LARGE1: variants seen among roughly 807,000 people sequenced by gnomAD.
LARGE1 encodes the protein xylosyl- and glucuronyltransferase LARGE1.
A neutral mutation model predicts 87.6 loss-of-function variants in LARGE1; 43 were observed. The observed-to-expected ratio is 0.49, with a 90% confidence interval of 0.38 to 0.63. The LOEUF is 0.63. Ranked by LOEUF, LARGE1 falls within the 30% of genes least tolerant of loss-of-function variation. The probability of loss-of-function intolerance (pLI) is 0.00; values close to 1 mark genes in which losing one functional copy is unlikely to be tolerated. For synonymous variants in LARGE1, 434 were observed against 394.6 expected (o/e 1.10, Z -1.18); for missense variants, 802 against 1,000.2 (o/e 0.80, Z 2.67).
intron 2 of LARGE1, among the ~76,000 whole-genome samples, chr22:33,684,121 C>T (rs1271396345): frequency 2.6e-5 from 4 of 152,138 alleles, no homozygotes; most frequent in Non-Finnish European, 4.4e-5. Flanking sequence ...TAGTACCGAA[C>T]GTGCTTGCTC....
At chr22:33,798,434 G>A (rs1423015408) in intron 1 of LARGE1, among the ~76,000 whole-genome samples, 1 of 152,162 alleles carries the variant, frequency 6.6e-6, no homozygotes, top group East Asian at 1.9e-4. Flanking sequence ...ATTACATGAT[G>A]AAATGTACAA....
intron 10 of LARGE1, among the ~76,000 whole-genome samples, chr22:33,318,572 G>C (rs1284639128): frequency 1.3e-5 from 2 of 151,848 alleles, no homozygotes; most frequent in African/African-American, 4.8e-5. Flanking sequence ...ACAGGAAGGG[G>C]AACATCACAC....
chr22:33,571,160 G>C (rs1227919722), intron 5 of LARGE1, among the ~76,000 whole-genome samples: 1 of 152,198 alleles, frequency 6.6e-6, no homozygotes, highest in Non-Finnish European at 1.5e-5. Flanking sequence ...CAAAAATGCA[G>C]TCATGCCCAA....
chr22:33,546,290 T>G (rs2077358328), intron 6 of LARGE1, among the ~76,000 whole-genome samples: 1 of 152,222 alleles, frequency 6.6e-6, no homozygotes, highest in South Asian at 2.1e-4. Flanking sequence ...ACACCACGCT[T>G]TATCATGCCT....
the LARGE1 span, among the ~76,000 whole-genome samples, chr22:33,100,041 T>A: frequency 6.6e-6 from 1 of 152,186 alleles, no homozygotes; most frequent in African/African-American, 2.4e-5. Context: ...AGGCTATTTT[T>A]AAATCTGAGT....
chr22:33,333,306 C>T (rs1209920120), intron 10 of LARGE1, among the ~76,000 whole-genome samples: 1 of 151,866 alleles, frequency 6.6e-6, no homozygotes, highest in East Asian at 1.9e-4. Flanking sequence ...GCGTGAGCCA[C>T]TGTGCTGGGC....
At chr22:33,254,973 C>T (rs1265331161) in intron 11 of LARGE1, among the ~76,000 whole-genome samples, 5 of 148,902 alleles carry the variant, frequency 3.4e-5, no homozygotes, top group African/African-American at 5.0e-5. Context: ...AGTCTCACTC[C>T]GTCACCCAGG....
At chr22:33,318,747 TA>T (rs200248869) in intron 10 of LARGE1, among the ~76,000 whole-genome samples, 1,804 of 150,464 alleles carry the variant, frequency 0.012, 11 homozygotes, top group South Asian at 0.027. Flanking sequence ...TAAAGTATAT[TA>T]AAAAAAAATG....
At chr22:33,774,455 G>A (rs976500107) in intron 1 of LARGE1, among the ~76,000 whole-genome samples, 3 of 152,076 alleles carry the variant, frequency 2.0e-5, no homozygotes, top group Non-Finnish European at 4.4e-5. Flanking sequence ...CTCCCGGGTT[G>A]AAGCAATTCT....
chr22:33,562,259 C>CT (rs2077884341), intron 6 of LARGE1, among the ~76,000 whole-genome samples: 1 of 152,150 alleles, frequency 6.6e-6, no homozygotes, highest in South Asian at 2.1e-4. Context: ...TACTTATTTT[C>CT]TTTTCACCTC....
At chr22:33,363,609 C>T (rs913160104) in intron 9 of LARGE1, among the ~76,000 whole-genome samples, 6 of 149,552 alleles carry the variant, frequency 4.0e-5, no homozygotes, top group East Asian at 3.9e-4. Flanking sequence ...AACCGTATCA[C>T]GTACCTAACT....
intron 11 of LARGE1, among the ~76,000 whole-genome samples, chr22:33,255,841 T>G (rs1927233901): frequency 6.6e-6 from 1 of 152,198 alleles, no homozygotes; most frequent in Non-Finnish European, 1.5e-5. Flanking sequence ...ATTTTGAGGG[T>G]CCTGTTATCC....
intron 1 of LARGE1, among the ~76,000 whole-genome samples, chr22:33,864,018 G>T (rs901570687): frequency 5.3e-5 from 8 of 152,168 alleles, no homozygotes; most frequent in Admixed American, 3.3e-4. Context: ...GCTATGACAA[G>T]CATCACAGAA....
At chr22:33,561,186 T>C (rs952339745) in intron 6 of LARGE1, among the ~76,000 whole-genome samples, 6 of 152,194 alleles carry the variant, frequency 3.9e-5, no homozygotes, top group African/African-American at 1.4e-4. Flanking sequence ...TAGTTAGCTT[T>C]CCCTCTGTTT....
chr22:33,199,999 C>G (rs1602082299), intron 11 of LARGE1, among the ~76,000 whole-genome samples: 1 of 152,122 alleles, frequency 6.6e-6, no homozygotes, highest in Non-Finnish European at 1.5e-5. Flanking sequence ...CAGGCACCTG[C>G]CACCACACCT....
chr22:33,534,539 G>T (rs5999000), intron 6 of LARGE1, among the ~76,000 whole-genome samples: 2 of 152,106 alleles, frequency 1.3e-5, no homozygotes, highest in South Asian at 2.1e-4. Context: ...CATGGGAAAT[G>T]TAAGAGCAAA....
At chr22:33,703,372 T>A (rs240084) in intron 2 of LARGE1, among the ~76,000 whole-genome samples, 107 of 146,274 alleles carry the variant, frequency 7.3e-4, no homozygotes, top group East Asian at 8.0e-4. Context: ...AAAAAAAAAA[T>A]AAAATAAAAA....
chr22:33,755,930 C>T (rs1005056956), intron 2 of LARGE1, among the ~76,000 whole-genome samples: 1 of 152,152 alleles, frequency 6.6e-6, no homozygotes, highest in Non-Finnish European at 1.5e-5. Context: ...TAGATGTTTC[C>T]ACATGGGATC....
chr22:33,202,530 A>G (rs1316777727), intron 11 of LARGE1, among the ~76,000 whole-genome samples: 2 of 152,224 alleles, frequency 1.3e-5, no homozygotes, highest in African/African-American at 2.4e-5. Context: ...CCAATAAAGG[A>G]TGACACATAA....
Sources: allele counts gnomAD v4.1 joint callset (sites outside exome capture counted in the v4.1 genomes callset), GRCh38; gene constraint gnomAD v4.1.1; transcripts MANE v1.5; gene names NCBI Gene and HGNC (gene_info 2026-07-23, HGNC 2026-07-21).